The following DLGAP1 variants were observed in gnomAD, a reference collection of about 807,000 sequenced individuals.
DLGAP1 encodes disks large-associated protein 1.
DLGAP1 carries 11 observed loss-of-function variants against 90.8 expected under a neutral mutation model. That is an observed-to-expected ratio of 0.12 (90% confidence interval 0.08 to 0.20). The LOEUF is 0.20. DLGAP1 is among the 10% of genes least tolerant of loss of function. The pLI is 1.00. For missense variants in DLGAP1, 1,050 were observed against 1,333.8 expected (o/e 0.79, Z 3.31); for synonymous variants, 558 against 540.7 (o/e 1.03, Z -0.44).
At chr18:3,551,718 C>T (rs528678202) in intron 9 of DLGAP1, among the ~76,000 whole-genome samples, 971 of 31,328 alleles carry the variant, frequency 0.031, 87 homozygotes, top group African/African-American at 0.089. Flanking sequence ...CTCCCTCCCT[C>T]CCTCCCTTCC....
At chr18:4,160,543 G>A (rs1348642036) in intron 1 of DLGAP1, among the ~76,000 whole-genome samples, 2 of 152,254 alleles carry the variant, frequency 1.3e-5, no homozygotes, top group East Asian at 3.9e-4. Flanking sequence ...AATGAGGTAG[G>A]TTCAATGATT....
chr18:3,507,575 G>A (rs2050307877), intron 11 of DLGAP1, among the ~76,000 whole-genome samples: 1 of 151,992 alleles, frequency 6.6e-6, no homozygotes, highest in Non-Finnish European at 1.5e-5. Context: ...GTCAATTGTT[G>A]GGGATAAAAG....
chr18:4,087,070 T>TATATGTATATATACAC, intron 2 of DLGAP1, among the ~76,000 whole-genome samples: 1 of 80,014 alleles, frequency 1.2e-5, no homozygotes, highest in African/African-American at 5.2e-5. Context: ...TACACACACT[T>TATATGTATATATACAC]ATATATACAT....
At chr18:3,766,360 GA>G (rs1011291768) in intron 5 of DLGAP1, among the ~76,000 whole-genome samples, 1 of 152,060 alleles carries the variant, frequency 6.6e-6, no homozygotes, top group African/African-American at 2.4e-5. Context: ...AGGAGAAATA[GA>G]AAAATTCACG....
chr18:4,333,389 C>G (rs1380480940), intron 1 of DLGAP1, among the ~76,000 whole-genome samples: 1 of 151,684 alleles, frequency 6.6e-6, no homozygotes, highest in Non-Finnish European at 1.5e-5. Context: ...TATACAAGTG[C>G]TTTTCACGAT....
intron 2 of DLGAP1, among the ~76,000 whole-genome samples, chr18:4,008,224 T>TACACAC (rs759118888): frequency 9.6e-5 from 14 of 145,472 alleles, no homozygotes; most frequent in African/African-American, 3.3e-4. Flanking sequence ...AATATATATA[T>TACACAC]ATACACACAC....
intron 1 of DLGAP1, among the ~76,000 whole-genome samples, chr18:4,208,361 T>A (rs1238814439): frequency 6.6e-6 from 1 of 152,188 alleles, no homozygotes; most frequent in African/African-American, 2.4e-5. Context: ...TAAATTTGCA[T>A]GAAATAATAG....
chr18:3,615,932 T>G (rs1465267298), intron 7 of DLGAP1, among the ~76,000 whole-genome samples: 1 of 152,202 alleles, frequency 6.6e-6, no homozygotes, highest in Admixed American at 6.5e-5. Context: ...TCTATAAAGT[T>G]GGCCTTAACT....
At chr18:3,883,077 C>T (rs1208213511) in intron 3 of DLGAP1, among the ~76,000 whole-genome samples, 1 of 152,164 alleles carries the variant, frequency 6.6e-6, no homozygotes, top group African/African-American at 2.4e-5. Flanking sequence ...AACCTCGTCT[C>T]TACTAAAAAT....
intron 1 of DLGAP1, among the ~76,000 whole-genome samples, chr18:4,289,093 T>C (rs993979944): frequency 6.6e-6 from 1 of 152,284 alleles, no homozygotes; most frequent in East Asian, 1.9e-4. Flanking sequence ...TGGAGATGAC[T>C]GAAATACTGC....
intron 3 of DLGAP1, among the ~76,000 whole-genome samples, chr18:3,929,884 T>C (rs2072478168): frequency 6.6e-6 from 1 of 152,192 alleles, no homozygotes; most frequent in African/African-American, 2.4e-5. Context: ...TAGGATGAAT[T>C]CCCTAGAAAT....
chr18:4,447,263 T>C (rs199877132), intron 1 of DLGAP1, among the ~76,000 whole-genome samples: 7 of 100,014 alleles, frequency 7.0e-5, no homozygotes, highest in South Asian at 6.3e-4. Flanking sequence ...TCAACAAAGA[T>C]TGATACCTTT....
intron 2 of DLGAP1, among the ~76,000 whole-genome samples, chr18:4,022,705 C>G (rs1412756413): frequency 6.6e-6 from 1 of 152,110 alleles, no homozygotes; most frequent in Non-Finnish European, 1.5e-5. Context: ...GTATATTTAG[C>G]AGTAGAATTG....
At chr18:4,212,129 A>T (rs945307590) in intron 1 of DLGAP1, among the ~76,000 whole-genome samples, 1 of 152,124 alleles carries the variant, frequency 6.6e-6, no homozygotes, top group African/African-American at 2.4e-5. Flanking sequence ...CAAATTGTAC[A>T]TTACTTAACT....
intron 2 of DLGAP1, among the ~76,000 whole-genome samples, chr18:4,039,337 T>C (rs2074940950): frequency 6.6e-6 from 1 of 152,086 alleles, no homozygotes; most frequent in South Asian, 2.1e-4. Context: ...TCTGAATGAC[T>C]CTCTAGGGCT....
At chr18:3,947,423 C>G (rs1473182255) in intron 3 of DLGAP1, among the ~76,000 whole-genome samples, 10 of 152,222 alleles carry the variant, frequency 6.6e-5, no homozygotes, top group Non-Finnish European at 1.3e-4. Context: ...ATCTCTGCCT[C>G]TACATGCTGT....
At chr18:3,936,732 A>G (rs969348112) in intron 3 of DLGAP1, among the ~76,000 whole-genome samples, 2 of 152,240 alleles carry the variant, frequency 1.3e-5, no homozygotes, top group African/African-American at 4.8e-5. Context: ...AGCATTCTAG[A>G]AAGGTTCCTC....
chr18:4,310,966 T>C (rs1299000052), intron 1 of DLGAP1, among the ~76,000 whole-genome samples: 1 of 152,206 alleles, frequency 6.6e-6, no homozygotes, highest in Admixed American at 6.5e-5. Flanking sequence ...TTCTCTCTGC[T>C]GGGTTTGATT....
intron 1 of DLGAP1, among the ~76,000 whole-genome samples, chr18:4,255,462 AAG>A (rs1462943901): frequency 1.3e-5 from 2 of 149,788 alleles, no homozygotes; most frequent in African/African-American, 5.0e-5. Flanking sequence ...ATACAGCCAA[AAG>A]AGAGATATAC....
Sources: allele counts gnomAD v4.1 joint callset (sites outside exome capture counted in the v4.1 genomes callset), GRCh38; gene constraint gnomAD v4.1.1; transcripts MANE v1.5; gene names NCBI Gene and HGNC (gene_info 2026-07-23, HGNC 2026-07-21).